Variants in SOX5 observed in about 807,000 individuals in gnomAD.
SOX5 encodes transcription factor SOX-5.
SOX5 carries 9 observed loss-of-function variants against 92.0 expected under a neutral mutation model. The observed-to-expected ratio is 0.10, with a 90% CI of 0.06 to 0.17. The LOEUF (loss-of-function observed/expected upper bound fraction) is 0.17, where lower values mean the gene tolerates loss of function less well. Among genes scored for constraint, SOX5 ranks in the 10% least tolerant of loss-of-function variants. SOX5 has a pLI of 1.00. For missense variants in SOX5, 642 were observed against 944.5 expected (o/e 0.68, Z 4.20); for synonymous variants, 344 against 336.3 (o/e 1.02, Z -0.25).
rs1226624976 is a variant in SOX5 at position 24,400,750 on chromosome 12, A to G, written c.-250-32111T>C. Among the ~76,000 whole-genome samples the G allele has an allele frequency of 5.9e-5, 9 of 152,320 alleles. No homozygotes were observed. In the East Asian group the frequency reaches 1.2e-3, roughly 20 times the overall value. On this transcript the variant is annotated intron_variant, in intron 1 of 4. Transcript: ENST00000446891. ...TAACCACCCCCTCCATGCTCCACAC[A>G]CACACTTTGCTGAGTTTGCAAACTG...
intron 4 of SOX5, among the ~76,000 whole-genome samples, chr12:24,000,116 T>C: frequency 6.6e-6 from 1 of 150,948 alleles, no homozygotes. Flanking sequence ...ATAATACATA[T>C]GTATATTATA....
chr12:24,130,007 G>A (rs551625494), intron 4 of SOX5, among the ~76,000 whole-genome samples: 1 of 152,106 alleles, frequency 6.6e-6, no homozygotes, highest in African/African-American at 2.4e-5. Flanking sequence ...ATGTATGTAT[G>A]TGTATATTTA....
rs117843010 is a variant in SOX5, at chr12:23,998,096, A to G, written c.-1-102072T>C. Among the ~76,000 whole-genome samples, 576 of 152,248 alleles carry G rather than the reference A, an allele frequency of 3.8e-3. 12 individuals are homozygous for G. Among genetic ancestry groups the G allele is most frequent in the East Asian group, 0.014 (73 of 5,170 alleles). ...CACAGGGGAAAAATAAGCTAATAGAAACTTTATGAGGGACCCCAGGTGTCA... is the reference window on the plus strand; with the variant it reads ...CACAGGGGAAAAATAAGCTAATAGAGACTTTATGAGGGACCCCAGGTGTCA... On this transcript the variant is annotated intron_variant, in intron 4 of 4. Coordinates refer to the SOX5 transcript ENST00000446891.
chr12:23,939,564 T>G (rs962351910), intron 1 of SOX5, among the ~76,000 whole-genome samples: 1 of 151,056 alleles, frequency 6.6e-6, no homozygotes, highest in Non-Finnish European at 1.5e-5. Flanking sequence ...AAATATAAAC[T>G]AATTTGTACA....
At chr12:24,259,067 C>T (rs1444773528) in intron 3 of SOX5, among the ~76,000 whole-genome samples, 1 of 152,084 alleles carries the variant, frequency 6.6e-6, no homozygotes, top group African/African-American at 2.4e-5. Flanking sequence ...TCCTCCAGTG[C>T]AAAATAGATT....
At chr12:24,056,780 C>T (rs1958152367) in intron 4 of SOX5, among the ~76,000 whole-genome samples, 1 of 150,820 alleles carries the variant, frequency 6.6e-6, no homozygotes, top group South Asian at 2.1e-4. Flanking sequence ...TCGAGACCAT[C>T]CCGGCTAAAA....
At chr12:23,694,798 G>A (rs1297319023) in intron 6 of SOX5, among the ~76,000 whole-genome samples, 3 of 151,824 alleles carry the variant, frequency 2.0e-5, no homozygotes, top group Admixed American at 1.3e-4. Context: ...TTTTTCTCTG[G>A]CTTATTTCAC....
chr12:24,507,869 T>G lies in SOX5; in HGVS notation c.-251+54460A>C, dbSNP rs181366516. Among the ~76,000 whole-genome samples, 549 of 152,356 alleles carry G rather than the reference T, an allele frequency of 3.6e-3. 2 individuals are homozygous for G. The highest frequency in any genetic ancestry group is 0.012 in the African/African-American group (486 of 41,584). Reference sequence around the variant, plus strand: ...TAATAATTGTTTATACCTTTCCATCTCCTTCTGTAAATATTTGAAAATTTC... The same window carrying G: ...TAATAATTGTTTATACCTTTCCATCGCCTTCTGTAAATATTTGAAAATTTC... On this transcript the variant is annotated intron_variant, in intron 1 of 4. Coordinates refer to the SOX5 transcript ENST00000446891.
intron 3 of SOX5, among the ~76,000 whole-genome samples, chr12:23,769,128 C>A (rs2094837360): frequency 6.6e-6 from 1 of 152,092 alleles, no homozygotes; most frequent in African/African-American, 2.4e-5. Flanking sequence ...AACTATTCAG[C>A]TTATAGAGTA....
rs551614816 is a variant in SOX5, at chr12:23,850,257, C to T, written c.271-4064G>A. The stretch of plus-strand genomic sequence containing the variant: ...TGTCCTGGCCAACATGGTGAAACCC[C>T]GTCTCTACTATAAATACAAAAATTA... On this transcript the variant is annotated intron_variant, in intron 2 of 14. Transcript: ENST00000451604. 1.8e-3 allele frequency among the ~76,000 whole-genome samples: 269 copies of T among 151,780 alleles called. 1 individual carries two copies. Among genetic ancestry groups the T allele is most frequent in the African/African-American group, 6.0e-3 (247 of 41,424 alleles).
intron 4 of SOX5, among the ~76,000 whole-genome samples, chr12:24,138,533 A>C (rs538082644): frequency 1.3e-5 from 2 of 152,362 alleles, no homozygotes; most frequent in Non-Finnish European, 1.5e-5. Flanking sequence ...ACACTTAAAC[A>C]TCAGATCTAG....
chr12:24,148,688 T>TAAAAAAA (rs398018872), intron 4 of SOX5, among the ~76,000 whole-genome samples: 25 of 70,916 alleles, frequency 3.5e-4, no homozygotes, highest in African/African-American at 6.9e-4. Context: ...CCATCTCTAC[T>TAAAAAAA]AAAAAAAAAA....
At chr12:24,000,391 T>C (rs536665304) in intron 4 of SOX5, among the ~76,000 whole-genome samples, 1 of 152,098 alleles carries the variant, frequency 6.6e-6, no homozygotes, top group South Asian at 2.1e-4. Flanking sequence ...TATATGTAAA[T>C]ATATACTGTA....
intron 11 of SOX5, among the ~76,000 whole-genome samples, chr12:23,553,724 A>G (rs1944639653): frequency 6.6e-6 from 1 of 152,044 alleles, no homozygotes; most frequent in Non-Finnish European, 1.5e-5. Flanking sequence ...AAATAATACA[A>G]TTTGCAACCT....
At chr12:23,793,391 C>A (rs1475653386) in intron 3 of SOX5, among the ~76,000 whole-genome samples, 5 of 152,064 alleles carry the variant, frequency 3.3e-5, no homozygotes, top group African/African-American at 1.2e-4. Flanking sequence ...AAGAAAATAA[C>A]CCTTGAAAAT....
intron 1 of SOX5, among the ~76,000 whole-genome samples, chr12:24,527,317 C>T (rs746437869): frequency 1.9e-4 from 29 of 152,170 alleles, no homozygotes; most frequent in Non-Finnish European, 3.4e-4. Flanking sequence ...TCTCTCTGTA[C>T]TGTGATTCCA....
intron 1 of SOX5, among the ~76,000 whole-genome samples, chr12:23,941,352 CT>C: frequency 6.6e-6 from 1 of 151,514 alleles, no homozygotes; most frequent in East Asian, 1.9e-4. Context: ...TAGAAGAATG[CT>C]TTTAAAGCAC....
At chr12:24,415,026 C>T (rs1390018044) in intron 1 of SOX5, among the ~76,000 whole-genome samples, 1 of 152,130 alleles carries the variant, frequency 6.6e-6, no homozygotes, top group African/African-American at 2.4e-5. Flanking sequence ...GTAAAAGCCC[C>T]AAAGTGGCAA....
chr12:24,218,202 T>C (rs1267412488), intron 3 of SOX5, among the ~76,000 whole-genome samples: 3 of 152,202 alleles, frequency 2.0e-5, no homozygotes, highest in Non-Finnish European at 4.4e-5. Context: ...TTATTTATAA[T>C]GGTCAAAAGT....
Sources: gnomAD v4.1 joint callset for allele counts (sites outside exome capture counted in the v4.1 genomes callset) on GRCh38, gnomAD v4.1.1 for gene constraint, MANE v1.5 for transcripts, NCBI Gene and HGNC (gene_info 2026-07-23, HGNC 2026-07-21) for gene names.